Variants in STOX2 observed in about 807,000 individuals in gnomAD.
STOX2 encodes storkhead-box protein 2.
STOX2 carries 28 observed loss-of-function variants against 60.9 expected under a neutral mutation model. That is an observed-to-expected ratio of 0.46 (90% CI 0.34 to 0.63). The LOEUF is 0.63. Ranked by LOEUF, STOX2 falls within the 30% of genes least tolerant of loss-of-function variation. The pLI is 0.01. For missense variants in STOX2, 1,024 were observed against 1,187.7 expected, an observed-to-expected ratio of 0.86 and a Z score of 2.03; for synonymous variants, 472 against 463.9, an observed-to-expected ratio of 1.02 and a Z score of -0.22.
At chr4:183,804,924 T>C (rs1339760651) in intron 1 of STOX2, among the ~76,000 whole-genome samples, 1 of 152,246 alleles carries the variant, frequency 6.6e-6, no homozygotes, top group Non-Finnish European at 1.5e-5. Context: ...TGGGTTTACT[T>C]TGAATTTGGA....
At chr4:183,852,337 GGATGAGGGAAAGGATGAGAGAAAC>G (rs1740167810) in intron 1 of STOX2, among the ~76,000 whole-genome samples, 1 of 97,150 alleles carries the variant, frequency 1.0e-5, no homozygotes. Flanking sequence ...ATGAGGGAAA[GGATGAGGGAAAGGATGAGAGAAAC>G]GATGAGGGAA....
chr4:183,813,080 A>G (rs1739072670), intron 1 of STOX2, among the ~76,000 whole-genome samples: 1 of 152,162 alleles, frequency 6.6e-6, no homozygotes, highest in Admixed American at 6.5e-5. Context: ...TTCAGAAAAA[A>G]TACAAATAAA....
rs1323563260 is a variant in STOX2, at chr4:184,009,958, A to G, written c.1120A>G (p.Ser374Gly). 1.9e-6 allele frequency: 3 copies of G among 1,613,868 alleles called. No individual in the cohort carries two copies. ...RKSHGKSRSHSKTRVSKGDPS... is the reference protein window; with the variant it reads ...RKSHGKSRSHGKTRVSKGDPS... ...GTCCCATGGAAAGTCTCGGTCTCAC[A>G]GCAAGACACGGGTGTCTAAAGGAGA... Residue 374 changes from serine to glycine, a missense_variant, in exon 3 of 4, where the codon AGC (serine) becomes GGC (glycine). This residue lies in a region of STOX2 where 922 missense variants were observed against 1,058.3 expected (regional missense o/e 0.87). Coordinates refer to ENST00000308497, the MANE Select transcript of STOX2 (RefSeq NM_020225.3). The surrounding 1 kb of genome is among the most constrained non-coding windows in gnomAD (Gnocchi z 4.0).
intron 2 of STOX2, among the ~76,000 whole-genome samples, chr4:184,002,655 G>C (rs753954643): frequency 6.6e-6 from 1 of 152,170 alleles, no homozygotes; most frequent in Non-Finnish European, 1.5e-5. Context: ...TGGCACGAAG[G>C]CTCTTCAAGC....
At chr4:183,810,296 A>C (rs1333206653) in intron 1 of STOX2, among the ~76,000 whole-genome samples, 2 of 152,184 alleles carry the variant, frequency 1.3e-5, no homozygotes, top group Non-Finnish European at 2.9e-5. Context: ...GGGACTGTTG[A>C]GGATGCTTCT....
At chr4:184,012,952 C>T (rs1005916158) in intron 3 of STOX2, among the ~76,000 whole-genome samples, 3 of 152,084 alleles carry the variant, frequency 2.0e-5, no homozygotes, top group Non-Finnish European at 4.4e-5. Context: ...ACCAGATTAG[C>T]AAAACAGAAG....
chr4:183,834,714 C>T (rs1013929182), intron 1 of STOX2, among the ~76,000 whole-genome samples: 3 of 152,236 alleles, frequency 2.0e-5, no homozygotes, highest in Non-Finnish European at 4.4e-5. Flanking sequence ...GTCTCTTGAA[C>T]ATTAGCTGCT....
At chr4:183,846,967 T>A (rs767622986) in intron 1 of STOX2, among the ~76,000 whole-genome samples, 1 of 152,238 alleles carries the variant, frequency 6.6e-6, no homozygotes, top group African/African-American at 2.4e-5. Flanking sequence ...AGAAACTAAT[T>A]TTGTTAAGTT....
intron 1 of STOX2, among the ~76,000 whole-genome samples, chr4:183,842,900 A>G (rs958816600): frequency 1.3e-5 from 2 of 152,034 alleles, no homozygotes; most frequent in African/African-American, 2.4e-5. Flanking sequence ...CTGTGATCCC[A>G]GCACTTTGGG....
At chr4:183,922,311 G>GT (rs541015975) in intron 1 of STOX2, among the ~76,000 whole-genome samples, 190 of 148,214 alleles carry the variant, frequency 1.3e-3, no homozygotes, top group African/African-American at 4.3e-3. Context: ...TCAAATTGTG[G>GT]TAAAAAAAAA....
Position 184,009,871 on chromosome 4 carries a change from A to T in STOX2, c.1033A>T (p.Ser345Cys). The T allele has an allele frequency of 6.2e-7, 1 of 1,611,944 alleles. No individual in the cohort carries two copies. Among genetic ancestry groups the T allele is most frequent in the South Asian group, 1.1e-5 (1 of 90,620 alleles). The change falls in exon 3 of 4, where the codon AGT becomes TGT. Residue 345 changes from serine (S) to cysteine (C), a missense_variant. Transcript: ENST00000308497. This position sits in a 1 kb window ranked among gnomAD's most constrained non-coding sequence, Gnocchi z 4.0. ...ACTGGAAGAAGAAAAGGCCCAGAGG[A>T]GTAAAGCCGGGTCCTCTGCCCATCA... is the stretch of plus-strand genomic sequence containing the variant. ...KKLEEEKAQR[S>C]KAGSSAHHSG...
chr4:184,011,844 A>G lies in STOX2; in HGVS notation c.2585+421A>G, dbSNP rs1429885490. ...GTTGGGAGTAAACTGATTGATGCTA[A>G]GATAGGGGTCCCTGTAGTGAAAATA... On this transcript the variant is annotated intron_variant, in intron 3 of 3. Transcript: ENST00000308497. The surrounding 1 kb of genome is among the most constrained non-coding windows in gnomAD (Gnocchi z 4.4). Among the ~76,000 whole-genome samples the G allele has an allele frequency of 6.6e-6, 1 of 152,178 alleles. No homozygotes were observed. Among genetic ancestry groups the G allele is most frequent in the Admixed American group, 6.5e-5 (1 of 15,276 alleles).
intron 1 of STOX2, among the ~76,000 whole-genome samples, chr4:183,966,912 C>T (rs1743586278): frequency 6.6e-6 from 1 of 152,152 alleles, no homozygotes; most frequent in Non-Finnish European, 1.5e-5. Flanking sequence ...GGCAAGTTAC[C>T]TAACTCTCCC....
chr4:183,802,060 C>T (rs779819342), intron 1 of STOX2, among the ~76,000 whole-genome samples: 1 of 152,198 alleles, frequency 6.6e-6, no homozygotes, highest in Non-Finnish European at 1.5e-5. Context: ...GCCTTCTAGC[C>T]TCGGCCACAA....
intron 1 of STOX2, among the ~76,000 whole-genome samples, chr4:183,898,348 C>G (rs1252763932): frequency 6.6e-6 from 1 of 152,034 alleles, no homozygotes; most frequent in Non-Finnish European, 1.5e-5. Context: ...AGTGGGACTC[C>G]CATTTGCCAT....
At chr4:183,984,483 GT>G (rs1326769691) in intron 1 of STOX2, among the ~76,000 whole-genome samples, 1 of 152,112 alleles carries the variant, frequency 6.6e-6, no homozygotes, top group African/African-American at 2.4e-5. Flanking sequence ...GTGCACCAAG[GT>G]TTGTATACTC....
Position 184,011,622 on chromosome 4 carries a change from A to G in STOX2, c.2585+199A>G, listed in dbSNP as rs765096415. The G allele has an allele frequency of 3.3e-6, 5 of 1,519,168 alleles. No homozygotes were observed. Among genetic ancestry groups the G allele is most frequent in the Non-Finnish European group, 3.5e-6 (4 of 1,137,376 alleles). The allele number at this position is 1,519,168 out of a possible 1,614,324, so 94.1% of individuals were successfully genotyped here. On this transcript the variant is annotated intron_variant, in intron 3 of 3. Transcript: ENST00000308497. This position sits in a 1 kb window ranked among gnomAD's most constrained non-coding sequence, Gnocchi z 4.4. ...AAATGTTTCTGCACCTGTAGAGATC[A>G]CCAATCTGGACTGGTGGGTTGGCTC...
chr4:183,969,548 G>T (rs901241502), intron 1 of STOX2, among the ~76,000 whole-genome samples: 6 of 152,016 alleles, frequency 3.9e-5, no homozygotes, highest in African/African-American at 1.4e-4. Flanking sequence ...GATTATAGGT[G>T]TGAGCTACCA....
intron 1 of STOX2, among the ~76,000 whole-genome samples, chr4:183,936,971 A>G (rs1411620563): frequency 1.3e-5 from 2 of 152,258 alleles, no homozygotes; most frequent in East Asian, 1.9e-4. Context: ...AGTTTTCATT[A>G]TAAAGACATT....
Sources: gnomAD v4.1 joint callset for allele counts (sites outside exome capture counted in the v4.1 genomes callset) on GRCh38, gnomAD v4.1.1 for gene constraint, gnomAD v4.1.1 regional missense constraint, Gnocchi (gnomAD v3.1) non-coding constraint, MANE v1.5 for transcripts, NCBI Gene and HGNC (gene_info 2026-07-23, HGNC 2026-07-21) for gene names.